Variants in FAAP20 observed in about 807,000 individuals in gnomAD.
FAAP20 encodes Fanconi anemia core complex-associated protein 20.
FAAP20 carries 12 observed loss-of-function variants against 16.2 expected under a neutral mutation model. The ratio of observed to expected loss-of-function variants is 0.74; its 90% CI spans 0.48 to 1.20. The LOEUF is 1.20. Among genes scored for constraint, FAAP20 ranks in the 50% most tolerant of loss-of-function variants. The pLI is 0.00. For missense variants in FAAP20, 288 were observed against 245.8 expected (o/e 1.17, Z -1.15); for synonymous variants, 141 against 110.7 (o/e 1.27, Z -1.72).
downstream of FAAP20, chr1:2,185,150 T>TCAG (rs993712165): frequency 3.4e-5 from 28 of 834,186 alleles, no homozygotes; most frequent in Non-Finnish European, 5.4e-5. Context: ...GAGGGAAGCG[T>TCAG]CAGCGGGCGC....
intron 3 of FAAP20, chr1:2,206,174 C>T (rs1211707115): frequency 6.6e-6 from 1 of 152,354 alleles, no homozygotes; most frequent in African/African-American, 2.4e-5. Context: ...TCGATTTCCC[C>T]CTTAAGAAAC....
upstream of FAAP20, among the ~76,000 whole-genome samples, chr1:2,197,820 G>C (rs977988129): frequency 6.6e-6 from 1 of 152,238 alleles, no homozygotes; most frequent in Non-Finnish European, 1.5e-5. Flanking sequence ...AGTCCACAGA[G>C]AAAGGCACTG....
rs745808417 is a variant in FAAP20, at chr1:2,194,181, G to A, written c.63-48C>T. The A allele has an allele frequency of 2.1e-5, 34 of 1,604,268 alleles. No individual in the cohort carries two copies. The East Asian group carries it at 7.2e-4, about 34-fold the overall frequency. The stretch of plus-strand genomic sequence containing the variant: ...ACAGGGGGTACTCAGTAGCGGAAAC[G>A]CTATGGTGGGGAGACCCGGGAGGGC... On this transcript the variant is annotated intron_variant, in intron 1 of 3. Transcript: ENST00000378546.
chr1:2,206,932 C>T (rs904466078), intron 1 of FAAP20, among the ~76,000 whole-genome samples: 16 of 152,160 alleles, frequency 1.1e-4, no homozygotes, highest in Non-Finnish European at 2.1e-4. Flanking sequence ...AGCTTCTTCC[C>T]TGCCTCAGAT....
chr1:2,210,978 G>A (rs961706567), downstream of FAAP20, among the ~76,000 whole-genome samples: 31 of 152,236 alleles, frequency 2.0e-4, no homozygotes, highest in Admixed American at 2.0e-3. Flanking sequence ...GGACCAGGGT[G>A]TGGGGCCGGG....
At chr1:2,198,651 GACA>G, upstream of FAAP20, 3 of 1,206,246 alleles carry the variant, frequency 2.5e-6, no homozygotes, top group Non-Finnish European at 3.2e-6. Flanking sequence ...ACCTGTGGCC[GACA>G]GGCACCCTGG....
At position 2,193,807 on chromosome 1, in the gene FAAP20, T is replaced by A; in HGVS notation, c.302A>T (p.Tyr101Phe). The A allele has an allele frequency of 6.2e-7, 1 of 1,605,032 alleles. No homozygotes were observed. The change falls in exon 3 of 4, where the codon TAC (tyrosine) becomes TTC (phenylalanine). Residue 101 changes from tyrosine to phenylalanine, a missense_variant. Tyr to Phe is a conservative substitution (Grantham distance 22, BLOSUM62 3). Coordinates refer to ENST00000378546, the MANE Select transcript of FAAP20 (RefSeq NM_182533.4). ...PPDLWGPGRSYRLLHGAGGHL... is the reference protein window; with the variant it reads ...PPDLWGPGRSFRLLHGAGGHL... ...CCCTCCTGCCCCGTGAAGCAGCCGG[T>A]AGGAACGGCCCGGGCCCCACAGGTC...
chr1:2,194,397 T>C (rs1270612052), intron 1 of FAAP20, among the ~76,000 whole-genome samples: 2 of 128,706 alleles, frequency 1.6e-5, no homozygotes, highest in African/African-American at 6.1e-5. Flanking sequence ...GTTGGGGAGA[T>C]TGCGGAGGGC....
chr1:2,187,653 A>G (rs971447897), downstream of FAAP20, among the ~76,000 whole-genome samples: 9 of 152,206 alleles, frequency 5.9e-5, no homozygotes, highest in African/African-American at 1.9e-4. Context: ...TTAGGCTCCC[A>G]GCAAAATGAG....
downstream of FAAP20, among the ~76,000 whole-genome samples, chr1:2,210,441 C>T (rs1388139701): frequency 6.6e-6 from 1 of 152,218 alleles, no homozygotes; most frequent in Non-Finnish European, 1.5e-5. Context: ...TCCCCCACCC[C>T]AGACCCTGCC....
chr1:2,188,929 C>T (rs987761815), downstream of FAAP20, among the ~76,000 whole-genome samples: 2 of 145,768 alleles, frequency 1.4e-5, no homozygotes, highest in Non-Finnish European at 3.0e-5. Flanking sequence ...GGCGTGAACC[C>T]GGGAGGCGGA....
Position 2,189,639 on chromosome 1 carries a change from A to G in FAAP20, c.*70T>C. ...GGCGGGGCTGCTGGCGGGGGAGCCG[A>G]GAGGCGGGGCTGCTGGCGGGGGAGA... On this transcript the variant is annotated 3_prime_UTR_variant, in exon 4 of 4. Coordinates refer to ENST00000378546, the MANE Select transcript of FAAP20 (RefSeq NM_182533.4). The G allele has an allele frequency of 7.8e-7, 1 of 1,275,668 alleles. No homozygotes were observed. The highest frequency in any genetic ancestry group is 1.2e-5 in the South Asian group (1 of 81,636). The allele number at this position is 1,275,668 out of a possible 1,614,324, so 79.0% of individuals were successfully genotyped here.
At chr1:2,192,337 T>C in intron 3 of FAAP20, 1 of 991,970 alleles carries the variant, frequency 1.0e-6, no homozygotes. Context: ...GCTTGAAGCA[T>C]TCCAGACACA....
downstream of FAAP20, chr1:2,185,249 G>C (rs957851112): frequency 1.4e-6 from 1 of 712,610 alleles, no homozygotes; most frequent in African/African-American, 1.7e-5. Context: ...CGTCGCGGCG[G>C]ATCCGCGGGG....
At chr1:2,194,637 C>T (rs1688685306) in intron 1 of FAAP20, 51 bp downstream of exon 1, 1 of 1,035,188 alleles carries the variant, frequency 9.7e-7, no homozygotes. Context: ...CGCCGGGAAG[C>T]ACGTGGGAGC....
At chr1:2,189,939 GCAGACCACGGTAACCGC>G (rs1687990722) in intron 3 of FAAP20, 158 bp from the exon 4 acceptor site, 1 of 660,082 alleles carries the variant, frequency 1.5e-6, no homozygotes, top group Admixed American at 2.2e-5. Flanking sequence ...CATGCACCCG[GCAGACCACGGTAACCGC>G]CAGTGGTGTT....
chr1:2,187,243 A>G (rs750271791), downstream of FAAP20: 21 of 449,772 alleles, frequency 4.7e-5, no homozygotes, highest in Middle Eastern at 3.3e-4. Context: ...TTTTCATTAA[A>G]AGCAGGTGTT....
rs747057779 is a variant in FAAP20, at chr1:2,192,880, G to T, written c.470+759C>A. On this transcript the variant is annotated intron_variant, in intron 3 of 3. Coordinates refer to ENST00000378546, the MANE Select transcript of FAAP20 (RefSeq NM_182533.4). ...CTCTCAAAGGGCTGGGATTACAGGC[G>T]TGAGCCACCGTGCCCGGCCTTTTCT... 688 of 1,298,610 alleles carry T rather than the reference G, an allele frequency of 5.3e-4. 1 individual carries two copies. Among genetic ancestry groups the T allele is most frequent in the Non-Finnish European group, 3.6e-4 (358 of 984,980 alleles). 80.4% of individuals were successfully genotyped at this position (1,298,610 alleles called of 1,614,324 possible).
chr1:2,194,461 G>A (rs1322269101), intron 1 of FAAP20, among the ~76,000 whole-genome samples: 1 of 146,820 alleles, frequency 6.8e-6, no homozygotes, highest in African/African-American at 2.5e-5. Context: ...GCGATGATGG[G>A]AGAGGCGCGG....
Sources: gnomAD v4.1 joint callset for allele counts (sites outside exome capture counted in the v4.1 genomes callset) on GRCh38, gnomAD v4.1.1 for gene constraint, MANE v1.5 for transcripts, NCBI Gene and HGNC (gene_info 2026-07-23, HGNC 2026-07-21) for gene names.